Variants in PDGFC observed in about 807,000 individuals in gnomAD.
PDGFC encodes platelet derived growth factor C, also known as platelet-derived growth factor C.
In PDGFC, 12 loss-of-function variants were observed where a neutral mutation model predicts 35.5. That is an observed-to-expected ratio of 0.34 (90% CI 0.22 to 0.55). The LOEUF is 0.55. PDGFC is among the 20% of genes least tolerant of loss of function. The pLI is 0.91. For missense variants in PDGFC, 322 were observed against 412.4 expected (o/e 0.78, Z 1.90); for synonymous variants, 159 against 148.8 (o/e 1.07, Z -0.50).
chr4:156,775,857 C>G (rs1306246201), intron 3 of PDGFC, among the ~76,000 whole-genome samples: 1 of 152,086 alleles, frequency 6.6e-6, no homozygotes, highest in Non-Finnish European at 1.5e-5. Flanking sequence ...TTTAGAAAGA[C>G]AACTCTTTCC....
chr4:156,844,740 A>G (rs1480203076), intron 2 of PDGFC, among the ~76,000 whole-genome samples: 1 of 152,124 alleles, frequency 6.6e-6, no homozygotes, highest in Non-Finnish European at 1.5e-5. Context: ...ACAATAAAGA[A>G]TATTACATTT....
rs548351515 is a variant in PDGFC, at chr4:156,936,974, C to T, written c.118+33812G>A. 4.6e-5 allele frequency among the ~76,000 whole-genome samples: 7 copies of T among 152,212 alleles called. No homozygotes were observed. In the East Asian group the frequency reaches 1.4e-3, roughly 29 times the overall value. On this transcript the variant is annotated intron_variant, in intron 1 of 5. Coordinates refer to ENST00000502773, the MANE Select transcript of PDGFC (RefSeq NM_016205.3). ...ATGCTCTATGCAATGGAATTCATGA[C>T]CAGAACCAAATTTAAGAGCTGAGAA...
intron 3 of PDGFC, among the ~76,000 whole-genome samples, chr4:156,788,351 C>T (rs1190293384): frequency 6.6e-6 from 1 of 152,084 alleles, no homozygotes; most frequent in African/African-American, 2.4e-5. Context: ...TTACTAAGGC[C>T]CTTTAAGAAC....
intron 1 of PDGFC, among the ~76,000 whole-genome samples, chr4:156,910,127 GT>G (rs1731005518): frequency 1.3e-5 from 2 of 152,156 alleles, no homozygotes; most frequent in East Asian, 3.9e-4. Context: ...ACTGTGAATT[GT>G]TTTTTGTTGG....
intron 2 of PDGFC, among the ~76,000 whole-genome samples, chr4:156,827,378 C>T (rs1279534815): frequency 6.6e-6 from 1 of 151,192 alleles, no homozygotes; most frequent in Non-Finnish European, 1.5e-5. Context: ...GATCACGCCA[C>T]TGCACTCCAG....
intron 3 of PDGFC, chr4:156,774,615 A>T (rs1730775128): frequency 6.6e-6 from 1 of 151,312 alleles, no homozygotes; most frequent in South Asian, 2.1e-4. Flanking sequence ...ATCGGCAGAA[A>T]TGAACGTGGC....
intron 5 of PDGFC, among the ~76,000 whole-genome samples, chr4:156,766,453 C>T (rs1341207651): frequency 1.3e-5 from 2 of 151,998 alleles, no homozygotes; most frequent in Non-Finnish European, 2.9e-5. Context: ...TAGTTTTCTT[C>T]AATTATTATA....
intron 2 of PDGFC, among the ~76,000 whole-genome samples, chr4:156,818,821 T>C (rs187995906): frequency 6.6e-6 from 1 of 152,292 alleles, no homozygotes; most frequent in African/African-American, 2.4e-5. Flanking sequence ...TAGCTTTTGA[T>C]TTAAAGTGAG....
At chr4:156,838,628 G>T (rs1729125605) in intron 2 of PDGFC, among the ~76,000 whole-genome samples, 1 of 152,212 alleles carries the variant, frequency 6.6e-6, no homozygotes, top group Non-Finnish European at 1.5e-5. Flanking sequence ...TACCAAAAGA[G>T]ATTTGATGGC....
At chr4:156,788,962 T>C (rs1371114788) in intron 3 of PDGFC, among the ~76,000 whole-genome samples, 1 of 152,162 alleles carries the variant, frequency 6.6e-6, no homozygotes, top group African/African-American at 2.4e-5. Context: ...ATTTAGGAAG[T>C]GGTTAGTTTG....
At chr4:156,839,195 A>G (rs979982234) in intron 2 of PDGFC, among the ~76,000 whole-genome samples, 1 of 152,104 alleles carries the variant, frequency 6.6e-6, no homozygotes, top group Non-Finnish European at 1.5e-5. Context: ...TAGACCCTGG[A>G]CCCCAGACAT....
chr4:156,826,174 A>ATGTTTTT (rs1553967848), intron 2 of PDGFC, among the ~76,000 whole-genome samples: 1 of 43,764 alleles, frequency 2.3e-5, no homozygotes, highest in Non-Finnish European at 4.1e-5. Context: ...TTTGAGTTGG[A>ATGTTTTT]TTTTTTTTTT....
Position 156,971,785 on chromosome 4 carries a change from G to A in PDGFC, c.-882C>T, listed in dbSNP as rs1338090261. 6.6e-6 allele frequency among the ~76,000 whole-genome samples: 1 copy of A among 151,892 alleles called. No individual in the cohort carries two copies. Among genetic ancestry groups the A allele is most frequent in the Admixed American group, 6.6e-5 (1 of 15,252 alleles). On this transcript the variant is annotated 5_prime_UTR_variant, in exon 1 of 6. In the 5' UTR this introduces an upstream ATG that the reference lacks. Coordinates refer to ENST00000502773, the MANE Select transcript of PDGFC (RefSeq NM_016205.3). ...CGCTAACCTCGGGGCTACGCGCGGC[G>A]TCTCCGCACGGGGTGAAGAGGGAAG...
At position 156,948,376 on chromosome 4, in the gene PDGFC, C is replaced by T. The variant is rs1175518283; in HGVS notation, c.118+22410G>A. Among the ~76,000 whole-genome samples, 3 of 151,922 alleles carry T rather than the reference C, an allele frequency of 2.0e-5. 1 individual carries two copies. The highest frequency in any genetic ancestry group is 4.4e-5 in the Non-Finnish European group (3 of 67,942). ...TAATTGTTGTGATGGCTCTCCTGCA[C>T]CGACTGCTGCGGCCGCTTTGACTAT... is the stretch of plus-strand genomic sequence containing the variant. On this transcript the variant is annotated intron_variant, in intron 1 of 5. Transcript: ENST00000502773.
intron 1 of PDGFC, among the ~76,000 whole-genome samples, chr4:156,948,935 T>G (rs1269391452): frequency 1.3e-5 from 2 of 151,956 alleles, no homozygotes; most frequent in East Asian, 3.9e-4. Flanking sequence ...GCATTTCTCA[T>G]GGGAGGTTTA....
At chr4:156,821,240 A>G (rs1732249948) in intron 2 of PDGFC, among the ~76,000 whole-genome samples, 1 of 149,972 alleles carries the variant, frequency 6.7e-6, no homozygotes, top group East Asian at 2.0e-4. Flanking sequence ...TGAGTATACA[A>G]TTTTTTTTGA....
At chr4:156,811,312 T>C (rs559973912) in intron 2 of PDGFC, among the ~76,000 whole-genome samples, 1 of 152,082 alleles carries the variant, frequency 6.6e-6, no homozygotes, top group Non-Finnish European at 1.5e-5. Context: ...CTATCTGACA[T>C]TCGATTCATG....
At chr4:156,911,204 T>C (rs539377455) in intron 1 of PDGFC, among the ~76,000 whole-genome samples, 4 of 152,224 alleles carry the variant, frequency 2.6e-5, no homozygotes, top group South Asian at 2.1e-4. Flanking sequence ...CAATGAAGAA[T>C]TGCATTTTTA....
intron 1 of PDGFC, among the ~76,000 whole-genome samples, chr4:156,965,946 C>T (rs1462991528): frequency 6.6e-6 from 1 of 152,122 alleles, no homozygotes; most frequent in Non-Finnish European, 1.5e-5. Context: ...AGAAGTATCT[C>T]AGAGGCCTTA....
Sources: allele counts gnomAD v4.1 joint callset (sites outside exome capture counted in the v4.1 genomes callset), GRCh38; gene constraint gnomAD v4.1.1; transcripts MANE v1.5; gene names NCBI Gene and HGNC (gene_info 2026-07-23, HGNC 2026-07-21).